CACNA2D1: variants seen among roughly 807,000 people sequenced by gnomAD.
CACNA2D1 encodes voltage-dependent calcium channel subunit alpha-2/delta-1.
A neutral mutation model predicts 171.5 loss-of-function variants in CACNA2D1; 53 were observed. That is an observed-to-expected ratio of 0.31 (90% CI 0.25 to 0.39). The LOEUF is 0.39. Among genes scored for constraint, CACNA2D1 ranks in the 10% least tolerant of loss-of-function variants. The pLI, the probability that CACNA2D1 is intolerant of heterozygous loss-of-function variation, is 1.00. For missense variants in CACNA2D1, 903 were observed against 1,299.8 expected, an observed-to-expected ratio of 0.69 and a Z score of 4.69; for synonymous variants, 442 against 443.1, an observed-to-expected ratio of 1.00 and a Z score of 0.03.
chr7:82,359,087 T>C (rs1820789167), intron 1 of CACNA2D1, among the ~76,000 whole-genome samples: 1 of 152,182 alleles, frequency 6.6e-6, no homozygotes, highest in South Asian at 2.1e-4. Context: ...ACCTCTAGCA[T>C]AGTCCCGGGT....
intron 3 of CACNA2D1, among the ~76,000 whole-genome samples, chr7:82,232,861 C>CAAAAAAAAAAAAAAAAA (rs71093370): frequency 1.9e-5 from 1 of 52,412 alleles, no homozygotes; most frequent in African/African-American, 6.6e-5. Context: ...GAGATGTCTC[C>CAAAAAAAAAAAAAAAAA]AAAAAAAAAA....
intron 22 of CACNA2D1, among the ~76,000 whole-genome samples, chr7:81,983,750 G>A (rs1399611178): frequency 6.6e-6 from 1 of 152,114 alleles, no homozygotes; most frequent in Non-Finnish European, 1.5e-5. Context: ...AAGTGAAAGT[G>A]GAAATATAAA....
chr7:82,040,452 C>A lies in CACNA2D1; in HGVS notation c.880-2217G>T, dbSNP rs199519068. ...AGAAGTCTTGGCTAAATAATTTATT[C>A]AAAAAAAAAAAAAAAAAAACAGAAG... On this transcript the variant is annotated intron_variant, in intron 10 of 38. Coordinates refer to ENST00000356860, the MANE Select transcript of CACNA2D1 (RefSeq NM_000722.4). Among the ~76,000 whole-genome samples, 705 of 106,274 alleles carry A rather than the reference C, an allele frequency of 6.6e-3. 2 individuals carry two copies. Among genetic ancestry groups the A allele is most frequent in the African/African-American group, 0.011 (293 of 27,578 alleles). The allele number at this position is 106,274 out of a possible 152,430, so 69.7% of individuals were successfully genotyped here.
intron 3 of CACNA2D1, among the ~76,000 whole-genome samples, chr7:82,186,658 A>G (rs569196501): frequency 5.5e-4 from 84 of 152,266 alleles, no homozygotes; most frequent in African/African-American, 1.9e-3. Flanking sequence ...ATTATACACT[A>G]TTTTATCACC....
chr7:82,325,622 G>A (rs1456941966), intron 3 of CACNA2D1, among the ~76,000 whole-genome samples: 1 of 152,058 alleles, frequency 6.6e-6, no homozygotes, highest in East Asian at 1.9e-4. Flanking sequence ...ATAAACACAA[G>A]AATTCCAGAC....
rs982244418 is a variant in CACNA2D1, at chr7:82,321,670, G to A, written c.294+13465C>T. On this transcript the variant is annotated intron_variant, in intron 3 of 38. Coordinates refer to ENST00000356860, the MANE Select transcript of CACNA2D1 (RefSeq NM_000722.4). ...CAAAAACACTAAGTTGTGAGGAATT[G>A]ATGATAGCTCCTACCATCCCCAACG... 2.0e-5 allele frequency among the ~76,000 whole-genome samples: 3 copies of A among 152,118 alleles called. No individual in the cohort carries two copies. In the South Asian group the frequency reaches 6.2e-4, roughly 31 times the overall value.
intron 1 of CACNA2D1, among the ~76,000 whole-genome samples, chr7:82,393,722 G>T (rs1251138028): frequency 6.6e-6 from 1 of 152,006 alleles, no homozygotes; most frequent in African/African-American, 2.4e-5. Flanking sequence ...GCATCTTTAT[G>T]ATATAAACAA....
intron 3 of CACNA2D1, among the ~76,000 whole-genome samples, chr7:82,230,256 T>C (rs934248626): frequency 1.2e-4 from 19 of 152,360 alleles, no homozygotes; most frequent in Admixed American, 1.2e-3. Context: ...TTATATTTAA[T>C]TGAAATGGAA....
intron 24 of CACNA2D1, among the ~76,000 whole-genome samples, chr7:81,975,115 T>C (rs1795703658): frequency 6.6e-6 from 1 of 152,068 alleles, no homozygotes; most frequent in African/African-American, 2.4e-5. Context: ...ATCAGTGGAT[T>C]GTGTTTATGT....
intron 5 of CACNA2D1, among the ~76,000 whole-genome samples, chr7:82,127,683 A>G (rs1790487772): frequency 6.6e-6 from 1 of 152,218 alleles, no homozygotes; most frequent in Non-Finnish European, 1.5e-5. Flanking sequence ...AGGTTTAAAG[A>G]GAGTTATTAT....
intron 4 of CACNA2D1, among the ~76,000 whole-genome samples, chr7:82,158,649 C>A (rs1794619858): frequency 6.6e-6 from 1 of 151,762 alleles, no homozygotes; most frequent in Non-Finnish European, 1.5e-5. Flanking sequence ...AATTAAGTAT[C>A]AAAATAACTT....
intron 3 of CACNA2D1, among the ~76,000 whole-genome samples, chr7:82,193,277 C>T (rs1034464216): frequency 5.3e-5 from 8 of 151,930 alleles, no homozygotes; most frequent in Non-Finnish European, 1.2e-4. Flanking sequence ...TGCACATTTA[C>T]AGATTACCTA....
intron 4 of CACNA2D1, among the ~76,000 whole-genome samples, chr7:82,138,619 T>C (rs913511994): frequency 6.6e-6 from 1 of 152,020 alleles, no homozygotes; most frequent in South Asian, 2.1e-4. Context: ...GCTAATTTTT[T>C]GTATTTTTAG....
chr7:82,102,451 G>GAT (rs201798604), intron 6 of CACNA2D1, among the ~76,000 whole-genome samples: 1,645 of 151,716 alleles, frequency 0.011, 14 homozygotes, highest in Non-Finnish European at 0.017. Flanking sequence ...GTGTATTTGA[G>GAT]ATATATATAT....
intron 3 of CACNA2D1, among the ~76,000 whole-genome samples, chr7:82,330,888 T>C (rs1374378071): frequency 1.3e-5 from 2 of 152,116 alleles, no homozygotes; most frequent in Non-Finnish European, 2.9e-5. Flanking sequence ...AATTTCACAA[T>C]CAAATTCACA....
At chr7:82,245,027 G>GA (rs755783599) in intron 3 of CACNA2D1, among the ~76,000 whole-genome samples, 74 of 152,144 alleles carry the variant, frequency 4.9e-4, no homozygotes, top group Non-Finnish European at 4.4e-4. Context: ...TTATACATAG[G>GA]AAAAAATCTT....
intron 1 of CACNA2D1, among the ~76,000 whole-genome samples, chr7:82,442,741 G>C (rs1414069550): frequency 2.0e-5 from 3 of 152,230 alleles, no homozygotes; most frequent in Admixed American, 2.0e-4. Flanking sequence ...TTCAAATAAT[G>C]GGTTGGGGAG....
chr7:82,162,191 T>C (rs1035699534), intron 4 of CACNA2D1, among the ~76,000 whole-genome samples: 8 of 151,926 alleles, frequency 5.3e-5, no homozygotes, highest in African/African-American at 1.9e-4. Flanking sequence ...GGCCAGTGAG[T>C]AAAGGTGAAA....
At position 82,404,771 on chromosome 7, in the gene CACNA2D1, T is replaced by C. The variant is rs73386020; in HGVS notation, c.95+38594A>G. On this transcript the variant is annotated intron_variant, in intron 1 of 38. Transcript: ENST00000356860. ...CTGTGTCTCATGCAGTGTCACTCTG[T>C]AGTCAACAAAAAAGATATTTGCTGG... Among the ~76,000 whole-genome samples, 524 of 152,280 alleles carry C rather than the reference T, an allele frequency of 3.4e-3. 2 individuals are homozygous for C. Among genetic ancestry groups the C allele is most frequent in the African/African-American group, 0.012 (501 of 41,560 alleles).
Sources: allele counts gnomAD v4.1 joint callset (sites outside exome capture counted in the v4.1 genomes callset), GRCh38; gene constraint gnomAD v4.1.1; transcripts MANE v1.5; gene names NCBI Gene and HGNC (gene_info 2026-07-23, HGNC 2026-07-21).